PCDH11X: variants seen among roughly 807,000 people sequenced by gnomAD.
The protein encoded by PCDH11X is protocadherin-11 X-linked.
A neutral mutation model predicts 53.3 loss-of-function variants in PCDH11X; 18 were observed. That is an observed-to-expected ratio of 0.34 (90% confidence interval 0.23 to 0.50). PCDH11X has a LOEUF of 0.50. PCDH11X is among the 20% of genes least tolerant of loss of function. The probability of loss-of-function intolerance (pLI) is 0.98; values close to 1 mark genes in which losing one functional copy is unlikely to be tolerated. For synonymous variants in PCDH11X, 279 were observed against 393.3 expected, an observed-to-expected ratio of 0.71 and a Z score of 3.44; for missense variants, 570 against 1,032.4, an observed-to-expected ratio of 0.55 and a Z score of 6.14.
At chrX:92,384,653 C>G (rs2070973208) in intron 8 of PCDH11X, among the ~76,000 whole-genome samples, 1 of 97,668 alleles carries the variant, frequency 1.0e-5, no homozygotes, top group Non-Finnish European at 2.1e-5. Flanking sequence ...AAGCTGTCTT[C>G]TTGGGCTGAG....
chrX:92,308,245 T>C (rs2068872000), intron 8 of PCDH11X, among the ~76,000 whole-genome samples: 1 of 111,604 alleles, frequency 9.0e-6, no homozygotes, highest in Non-Finnish European at 1.9e-5. Context: ...TCTGATTTCA[T>C]AACTTACTAC....
At chrX:92,136,646 G>C (rs1190576025) in intron 6 of PCDH11X, among the ~76,000 whole-genome samples, 4 of 102,960 alleles carry the variant, frequency 3.9e-5, no homozygotes, top group Non-Finnish European at 7.9e-5. Flanking sequence ...AGACATGATG[G>C]GGCCCCATGA....
intron 1 of PCDH11X, among the ~76,000 whole-genome samples, chrX:91,801,423 A>T (rs148513129): frequency 0.025 from 2,760 of 110,449 alleles, 100 homozygotes; most frequent in African/African-American, 0.087. Flanking sequence ...CTTCAACAGA[A>T]ACTGTTTGAA....
chrX:91,913,750 C>T (rs76962446), intron 6 of PCDH11X, among the ~76,000 whole-genome samples: 1 of 110,990 alleles, frequency 9.0e-6, no homozygotes, highest in Admixed American at 9.6e-5. Context: ...ACTATCACAG[C>T]TGGTGCTATC....
intron 4 of PCDH11X, 150 bp from the exon 5 acceptor site, chrX:91,835,311 C>A (rs1479581567): frequency 3.4e-6 from 4 of 1,181,897 alleles, no homozygotes; most frequent in Non-Finnish European, 4.6e-6. Context: ...TGATTCAGAA[C>A]AAATTTATCA....
At chrX:92,499,673 A>AAAAAAAAAAAAAAAAAAAAC (rs2073925228) in intron 10 of PCDH11X, among the ~76,000 whole-genome samples, 1 of 80,486 alleles carries the variant, frequency 1.2e-5, no homozygotes, top group African/African-American at 5.1e-5. Context: ...AAAAAAAAAA[A>AAAAAAAAAAAAAAAAAAAAC]AAAAAAAAGC....
At chrX:92,330,009 A>G (rs2069425331) in intron 8 of PCDH11X, among the ~76,000 whole-genome samples, 1 of 111,125 alleles carries the variant, frequency 9.0e-6, no homozygotes, top group Admixed American at 9.6e-5. Flanking sequence ...CAAAGAAAGG[A>G]TAAACGCTTG....
At chrX:92,073,927 C>T (rs1466466323) in intron 6 of PCDH11X, among the ~76,000 whole-genome samples, 1 of 112,039 alleles carries the variant, frequency 8.9e-6, no homozygotes, top group Non-Finnish European at 1.9e-5. Flanking sequence ...ATGTGTAGGA[C>T]AATGTCAAGG....
At chrX:92,278,486 G>A (rs1055384100) in intron 8 of PCDH11X, among the ~76,000 whole-genome samples, 5 of 111,064 alleles carry the variant, frequency 4.5e-5, no homozygotes, top group African/African-American at 1.6e-4. Context: ...ATAGGGATGG[G>A]GCCGTTTTAT....
intron 6 of PCDH11X, among the ~76,000 whole-genome samples, chrX:92,156,144 A>T (rs913659980): frequency 1.3e-4 from 14 of 107,903 alleles, no homozygotes; most frequent in African/African-American, 4.8e-4. Flanking sequence ...CAAAATAATA[A>T]ATAAAGAGAC....
At chrX:92,333,965 G>C (rs757227357) in intron 8 of PCDH11X, among the ~76,000 whole-genome samples, 6 of 110,296 alleles carry the variant, frequency 5.4e-5, no homozygotes, top group South Asian at 3.9e-4. Flanking sequence ...AATAGCATTC[G>C]CTTTCAGACT....
intron 1 of PCDH11X, among the ~76,000 whole-genome samples, chrX:91,781,741 T>G (rs1458637102): frequency 8.9e-6 from 1 of 111,864 alleles, no homozygotes; most frequent in African/African-American, 3.2e-5. Context: ...TAATAGTGTA[T>G]GTACACGTTT....
chrX:91,889,725 A>G lies in PCDH11X; in HGVS notation c.3033+10452A>G, dbSNP rs888426405. Among the ~76,000 whole-genome samples, 37 of 110,258 alleles carry G rather than the reference A, an allele frequency of 3.4e-4. 1 individual carries two copies. The highest frequency in any genetic ancestry group is 1.2e-3 in the African/African-American group (36 of 30,372). On this transcript the variant is annotated intron_variant, in intron 6 of 10. Transcript: ENST00000682573. The stretch of plus-strand genomic sequence containing the variant: ...ATACCAAAACATATGGAGGCAAAAT[A>G]GAATTTTTTACTACATATAGGGATA...
rs758389029 is a variant in PCDH11X at position 91,915,498 on chromosome X, C to A, written c.3033+36225C>A. Among the ~76,000 whole-genome samples, 3 of 110,663 alleles carry A rather than the reference C, an allele frequency of 2.7e-5. No homozygotes were observed. In the South Asian group the frequency reaches 1.1e-3, roughly 42 times the overall value. ...CTTAAGGTAATGGGGTGGAAAAAAACATTCCATGCAAATGGAAACCAAAAG... is the reference window on the plus strand; with the variant it reads ...CTTAAGGTAATGGGGTGGAAAAAAAAATTCCATGCAAATGGAAACCAAAAG... On this transcript the variant is annotated intron_variant, in intron 6 of 10. Coordinates refer to ENST00000682573, the MANE Select transcript of PCDH11X (RefSeq NM_032968.5).
intron 10 of PCDH11X, among the ~76,000 whole-genome samples, chrX:92,479,804 T>C (rs931149153): frequency 6.4e-5 from 7 of 109,161 alleles, no homozygotes; most frequent in Non-Finnish European, 1.3e-4. Context: ...ATTTTGACCT[T>C]GGAGAATCTG....
chrX:92,312,272 G>C (rs1474742815), intron 8 of PCDH11X, among the ~76,000 whole-genome samples: 1 of 111,155 alleles, frequency 9.0e-6, no homozygotes, highest in Non-Finnish European at 1.9e-5. Flanking sequence ...ATAGCCTTTA[G>C]ATAACTTGTA....
At chrX:91,782,805 G>T (rs759959322) in intron 1 of PCDH11X, among the ~76,000 whole-genome samples, 46 of 111,598 alleles carry the variant, frequency 4.1e-4, no homozygotes, top group African/African-American at 1.4e-3. Flanking sequence ...CTTCCCTTTT[G>T]AGCTTGCTCT....
intron 6 of PCDH11X, among the ~76,000 whole-genome samples, chrX:92,105,449 G>A (rs11797951): frequency 0.4 from 43,856 of 109,299 alleles, 7,467 homozygotes; most frequent in Non-Finnish European, 0.54. Flanking sequence ...ATGCGCGTCC[G>A]TGTGAAGAGA....
intron 6 of PCDH11X, among the ~76,000 whole-genome samples, chrX:91,901,944 A>G (rs1345829585): frequency 1.8e-5 from 2 of 111,369 alleles, no homozygotes; most frequent in African/African-American, 3.3e-5. Flanking sequence ...GAGATTGAAC[A>G]TGATTTGGTC....
Sources: allele counts gnomAD v4.1 joint callset (sites outside exome capture counted in the v4.1 genomes callset), GRCh38; gene constraint gnomAD v4.1.1; transcripts MANE v1.5; gene names NCBI Gene and HGNC (gene_info 2026-07-23, HGNC 2026-07-21).